The following EFCAB6 variants were observed in gnomAD, a reference collection of about 807,000 sequenced individuals.
EFCAB6 encodes the protein EF-hand calcium-binding domain-containing protein 6.
EFCAB6 carries 156 observed loss-of-function variants against 169.8 expected under a neutral mutation model. That is an observed-to-expected ratio of 0.92 (90% confidence interval 0.81 to 1.05). The LOEUF is 1.05. EFCAB6 is among the 50% of genes least tolerant of loss of function. The pLI, the probability that EFCAB6 is intolerant of heterozygous loss-of-function variation, is 0.00. For missense variants in EFCAB6, 1,800 were observed against 1,829.1 expected (o/e 0.98, Z 0.29); for synonymous variants, 698 against 676.4 (o/e 1.03, Z -0.50).
rs576125367 is a variant in EFCAB6 at position 43,636,424 on chromosome 22, C to T, written c.1984-1208G>A. Among the ~76,000 whole-genome samples, 9 of 152,204 alleles carry T rather than the reference C, an allele frequency of 5.9e-5. No homozygotes were observed. In the East Asian group the frequency reaches 1.6e-3, roughly 26 times the overall value. ...CCCCTTAGTGCCCGTGTGTGCCAGG[C>T]ACTGTGTGGGGCTCTGTACAGGCTC... is the stretch of plus-strand genomic sequence containing the variant. On this transcript the variant is annotated intron_variant, in intron 17 of 31. Coordinates refer to ENST00000262726, the MANE Select transcript of EFCAB6 (RefSeq NM_022785.4).
At chr22:43,636,702 C>T (rs533074753) in intron 17 of EFCAB6, among the ~76,000 whole-genome samples, 211 of 151,522 alleles carry the variant, frequency 1.4e-3, no homozygotes, top group African/African-American at 5.0e-3. Flanking sequence ...CCTCTGCCTC[C>T]CGGGCTCAAG....
At chr22:43,585,563 G>C (rs533216710) in intron 24 of EFCAB6, among the ~76,000 whole-genome samples, 67 of 152,214 alleles carry the variant, frequency 4.4e-4, no homozygotes, top group African/African-American at 1.6e-3. Context: ...AACAAAACAA[G>C]AGAACAAACA....
At chr22:43,570,053 C>A in intron 26 of EFCAB6, 1 of 152,278 alleles carries the variant, frequency 6.6e-6, no homozygotes. Flanking sequence ...ATATGATGTT[C>A]ATAAAAGATT....
intron 10 of EFCAB6, among the ~76,000 whole-genome samples, chr22:43,698,202 C>G (rs774608100): frequency 6.6e-6 from 1 of 152,136 alleles, no homozygotes; most frequent in African/African-American, 2.4e-5. Flanking sequence ...TGCCAAGTAT[C>G]CAACCGGTCA....
intron 17 of EFCAB6, among the ~76,000 whole-genome samples, chr22:43,659,331 T>C (rs2056896402): frequency 6.6e-6 from 1 of 152,172 alleles, no homozygotes; most frequent in Non-Finnish European, 1.5e-5. Context: ...ACTAGAGGAA[T>C]ACAAATACTT....
intron 23 of EFCAB6, among the ~76,000 whole-genome samples, chr22:43,599,397 C>G (rs1435803222): frequency 1.3e-5 from 2 of 151,592 alleles, no homozygotes; most frequent in Non-Finnish European, 2.9e-5. Flanking sequence ...GTAATCCCAG[C>G]TACTCAGGAG....
At chr22:43,777,650 A>G (rs5763992) in intron 3 of EFCAB6, among the ~76,000 whole-genome samples, 72,080 of 151,946 alleles carry the variant, frequency 0.47, 18,593 homozygotes, top group East Asian at 0.96. Context: ...TGTCAGAGGG[A>G]GATCCCTCTT....
At chr22:43,726,302 A>G (rs1033744298) in intron 8 of EFCAB6, among the ~76,000 whole-genome samples, 11 of 120,930 alleles carry the variant, frequency 9.1e-5, no homozygotes, top group African/African-American at 3.7e-4. Context: ...AAAAAAAAAG[A>G]CAGCATAAAT....
At chr22:43,656,207 A>G (rs933474785) in intron 17 of EFCAB6, among the ~76,000 whole-genome samples, 2 of 152,116 alleles carry the variant, frequency 1.3e-5, no homozygotes, top group African/African-American at 2.4e-5. Context: ...CCTGACCAAC[A>G]TGGTGAAACC....
At chr22:43,647,803 T>G (rs918321695) in intron 17 of EFCAB6, among the ~76,000 whole-genome samples, 16 of 152,130 alleles carry the variant, frequency 1.1e-4, no homozygotes, top group Non-Finnish European at 2.2e-4. Context: ...AGGCAGAGGT[T>G]GGAGCAACGC....
intron 6 of EFCAB6, 48 bp from the exon 7 acceptor site, chr22:43,736,041 GAACC>G: frequency 1.3e-6 from 2 of 1,495,968 alleles, no homozygotes; most frequent in Non-Finnish European, 1.8e-6. Context: ...CTAGTGTTAG[GAACC>G]AAATGGTAAT....
chr22:43,746,735 AC>A (rs2060577660), intron 6 of EFCAB6, among the ~76,000 whole-genome samples: 1 of 152,116 alleles, frequency 6.6e-6, no homozygotes, highest in Non-Finnish European at 1.5e-5. Context: ...ATATAGTAAG[AC>A]CCCATCTCTA....
At chr22:43,799,329 C>CACACACACA (rs1491415655) in intron 2 of EFCAB6, among the ~76,000 whole-genome samples, 5 of 146,548 alleles carry the variant, frequency 3.4e-5, no homozygotes, top group Admixed American at 6.8e-5. Context: ...GAATCTGTCT[C>CACACACACA]CACACACACA....
At position 43,777,664 on chromosome 22, in the gene EFCAB6, A is replaced by C. The variant is rs149473006; in HGVS notation, c.139+4516T>G. 2.0e-5 allele frequency among the ~76,000 whole-genome samples: 3 copies of C among 152,268 alleles called. No homozygotes were observed. In the East Asian group the frequency reaches 5.8e-4, roughly 29 times the overall value. ...GTGTCAGAGGGAGATCCCTCTTGTT[A>C]ATGTACACCTCTGTCTTGAAATCCT... On this transcript the variant is annotated intron_variant, in intron 3 of 31. Transcript: ENST00000262726.
chr22:43,635,706 G>C (rs2055340280), intron 17 of EFCAB6, among the ~76,000 whole-genome samples: 1 of 152,158 alleles, frequency 6.6e-6, no homozygotes, highest in Non-Finnish European at 1.5e-5. Context: ...GGCCATCCAT[G>C]AATGCTCTTT....
chr22:43,548,028 G>A (rs1288924770), intron 27 of EFCAB6, among the ~76,000 whole-genome samples: 1 of 150,412 alleles, frequency 6.6e-6, no homozygotes, highest in African/African-American at 2.4e-5. Flanking sequence ...CCCAGGAGGC[G>A]GAACTTTCAG....
chr22:43,530,874 T>C lies in EFCAB6; in HGVS notation c.4324A>G (p.Thr1442Ala). 3 of 1,614,226 alleles carry C rather than the reference T, an allele frequency of 1.9e-6. No homozygotes were observed. The highest frequency in any genetic ancestry group is 1.1e-5 in the South Asian group (1 of 91,082). The change falls in exon 31 of 32, where the codon ACG becomes GCG. Residue 1442 changes from threonine to alanine, a missense_variant. Physicochemically the swap from Thr to Ala is moderately conservative, Grantham distance 58. Coordinates refer to ENST00000262726, the MANE Select transcript of EFCAB6 (RefSeq NM_022785.4). ...CCAGCCTCATCATAGCTTTTGAACG[T>C]GCGCCGCATTGGCCTCCAGCAGTGC... is the stretch of plus-strand genomic sequence containing the variant. ...IVHCWRPMRRTFKSYDEAGTG... is the reference protein window; with the variant it reads ...IVHCWRPMRRAFKSYDEAGTG...
intron 7 of EFCAB6, among the ~76,000 whole-genome samples, chr22:43,734,330 A>T (rs907624877): frequency 6.6e-6 from 1 of 152,206 alleles, no homozygotes; most frequent in Non-Finnish European, 1.5e-5. Context: ...TCTACTTTTG[A>T]TCTTCTGTGT....
chr22:43,589,574 G>C (rs973293288), intron 24 of EFCAB6, among the ~76,000 whole-genome samples: 2 of 152,134 alleles, frequency 1.3e-5, no homozygotes, highest in African/African-American at 4.8e-5. Flanking sequence ...GATCACCTGA[G>C]GTCAGGAGTT....
Sources: allele counts gnomAD v4.1 joint callset (sites outside exome capture counted in the v4.1 genomes callset), GRCh38; gene constraint gnomAD v4.1.1; transcripts MANE v1.5; gene names NCBI Gene and HGNC (gene_info 2026-07-23, HGNC 2026-07-21).